The following PCDH11X variants were observed in gnomAD, a reference collection of about 807,000 sequenced individuals.
The protein encoded by PCDH11X is protocadherin-11 X-linked.
PCDH11X carries 18 observed loss-of-function variants against 53.3 expected under a neutral mutation model. The ratio of observed to expected loss-of-function variants is 0.34; its 90% CI spans 0.23 to 0.50. The LOEUF is 0.50. Ranked by LOEUF, PCDH11X falls within the 20% of genes least tolerant of loss-of-function variation. PCDH11X has a pLI of 0.98. For synonymous variants in PCDH11X, 279 were observed against 393.3 expected, an observed-to-expected ratio of 0.71 and a Z score of 3.44; for missense variants, 570 against 1,032.4, an observed-to-expected ratio of 0.55 and a Z score of 6.14.
At chrX:92,464,605 CAAA>C (rs2073122226) in intron 9 of PCDH11X, among the ~76,000 whole-genome samples, 5 of 110,663 alleles carry the variant, frequency 4.5e-5, no homozygotes, top group Non-Finnish European at 9.4e-5. Context: ...AGCATGAGAA[CAAA>C]CTAATACAGT....
intron 6 of PCDH11X, among the ~76,000 whole-genome samples, chrX:91,997,669 T>C (rs1295433592): frequency 1.8e-5 from 2 of 111,776 alleles, no homozygotes; most frequent in Non-Finnish European, 3.8e-5. Context: ...ACATATTGAA[T>C]ATAATTTTTT....
intron 6 of PCDH11X, among the ~76,000 whole-genome samples, chrX:92,186,910 G>C (rs762264395): frequency 2.7e-5 from 3 of 111,827 alleles, no homozygotes; most frequent in African/African-American, 6.5e-5. Context: ...TATGTAGTTT[G>C]TATCAAAATA....
intron 8 of PCDH11X, among the ~76,000 whole-genome samples, chrX:92,339,070 C>CATAAA (rs1306180782): frequency 2.7e-5 from 3 of 111,376 alleles, no homozygotes; most frequent in Non-Finnish European, 5.7e-5. Flanking sequence ...CAAAAATAGA[C>CATAAA]ATAAAGACCA....
chrX:92,295,652 C>G (rs888664075), intron 8 of PCDH11X, among the ~76,000 whole-genome samples: 6 of 106,194 alleles, frequency 5.7e-5, no homozygotes, highest in Non-Finnish European at 9.7e-5. Context: ...TAATAAATGC[C>G]CTTCATTAGG....
At chrX:92,358,111 G>A (rs1404924566) in intron 8 of PCDH11X, among the ~76,000 whole-genome samples, 6 of 106,017 alleles carry the variant, frequency 5.7e-5, no homozygotes, top group African/African-American at 1.4e-4. Flanking sequence ...CTTTGGTTTC[G>A]GATATGTTGA....
intron 7 of PCDH11X, among the ~76,000 whole-genome samples, chrX:92,248,323 A>T (rs1310686091): frequency 8.9e-6 from 1 of 112,116 alleles, no homozygotes; most frequent in Non-Finnish European, 1.9e-5. Context: ...TCTAGGTTCA[A>T]GTCAGTATCA....
intron 8 of PCDH11X, among the ~76,000 whole-genome samples, chrX:92,308,678 A>T (rs1251184211): frequency 1.8e-5 from 2 of 111,143 alleles, no homozygotes; most frequent in Non-Finnish European, 3.8e-5. Context: ...ATCAAAGGAC[A>T]CTGTCGACAG....
chrX:92,163,919 G>A (rs114346378), intron 6 of PCDH11X, among the ~76,000 whole-genome samples: 4,988 of 109,931 alleles, frequency 0.045, 405 homozygotes, highest in African/African-American at 0.16. Context: ...TCAAAATAAC[G>A]CAAAGTTTTA....
intron 9 of PCDH11X, among the ~76,000 whole-genome samples, chrX:92,446,513 C>T (rs1308035200): frequency 4.5e-5 from 5 of 110,807 alleles, no homozygotes; most frequent in Middle Eastern, 4.6e-3. Context: ...GCTTTAAAAA[C>T]GGAAGTTTCC....
At chrX:92,094,117 C>T (rs1256065971) in intron 6 of PCDH11X, among the ~76,000 whole-genome samples, 2 of 98,100 alleles carry the variant, frequency 2.0e-5, no homozygotes, top group African/African-American at 7.5e-5. Flanking sequence ...TATCCAGCAC[C>T]ACACAAAAAA....
rs71202940 is a variant in PCDH11X, at chrX:92,422,620, G to A, written c.3343+34687G>A. On this transcript the variant is annotated intron_variant, in intron 9 of 10. Transcript: ENST00000682573. ...GCAAATTGTGCTGCTATGAACATGC[G>A]TGTGCAAGTATTTTTTTCGTATAAT... Among the ~76,000 whole-genome samples the A allele has an allele frequency of 7.9e-3, 885 of 111,343 alleles. 11 individuals carry two copies. The highest frequency in any genetic ancestry group is 0.028 in the African/African-American group (848 of 30,682).
intron 7 of PCDH11X, among the ~76,000 whole-genome samples, chrX:92,230,452 AATT>A (rs1172534340): frequency 0.033 from 385 of 11,527 alleles, 12 homozygotes; most frequent in Middle Eastern, 0.083. Flanking sequence ...ATTTATATAT[AATT>A]TATAAAATAT....
intron 9 of PCDH11X, among the ~76,000 whole-genome samples, chrX:92,424,729 G>A (rs1190363393): frequency 1.0e-5 from 1 of 97,938 alleles, no homozygotes; most frequent in African/African-American, 3.3e-5. Flanking sequence ...ACTCATCCCT[G>A]AGTGTGTTGC....
intron 6 of PCDH11X, among the ~76,000 whole-genome samples, chrX:91,942,210 A>C (rs1458656523): frequency 9.1e-6 from 1 of 110,176 alleles, no homozygotes; most frequent in Non-Finnish European, 1.9e-5. Flanking sequence ...AATAGCGCTC[A>C]AAGCCAAAAC....
At position 92,403,329 on chromosome X, in the gene PCDH11X, GTTTTTTTTTGTT is replaced by G. The variant is rs1356156439; in HGVS notation, c.3343+15406_3343+15417del. On this transcript the variant is annotated intron_variant, in intron 9 of 10. Coordinates refer to ENST00000682573, the MANE Select transcript of PCDH11X (RefSeq NM_032968.5). The stretch of plus-strand genomic sequence containing the variant: ...CTGGGATATGTGTCCGGGCATTTAC[GTTTTTTTTTGTT>G]TTTTTTTTTTTTTTTTTTTGTAGAA... Among the ~76,000 whole-genome samples, 398 of 58,771 alleles carry G rather than the reference GTTTTTTTTTGTT, an allele frequency of 6.8e-3. 27 individuals carry two copies. In the East Asian group the frequency reaches 0.16, roughly 23 times the overall value. 51.0% of individuals were successfully genotyped at this position (58,771 alleles called of 115,157 possible). A position where few individuals can be genotyped will look rare whatever the true frequency, so the allele number is the denominator to read the frequency against.
At chrX:91,828,013 A>G (rs1488516785) in intron 4 of PCDH11X, among the ~76,000 whole-genome samples, 40 of 110,748 alleles carry the variant, frequency 3.6e-4, no homozygotes, top group Non-Finnish European at 7.2e-4. Flanking sequence ...AACAATCTGT[A>G]AATTGTTTTG....
chrX:92,136,050 C>T (rs1316200724), intron 6 of PCDH11X, among the ~76,000 whole-genome samples: 1 of 111,406 alleles, frequency 9.0e-6, no homozygotes, highest in Non-Finnish European at 1.9e-5. Flanking sequence ...TTGCAAATTA[C>T]AAGCACATGG....
chrX:91,925,483 A>G (rs1235271503), intron 6 of PCDH11X, among the ~76,000 whole-genome samples: 1 of 111,314 alleles, frequency 9.0e-6, no homozygotes, highest in Non-Finnish European at 1.9e-5. Flanking sequence ...TGAAATATGA[A>G]TGTATGATCT....
At chrX:92,532,839 G>T (rs766257803) in intron 10 of PCDH11X, among the ~76,000 whole-genome samples, 3 of 111,691 alleles carry the variant, frequency 2.7e-5, no homozygotes, top group African/African-American at 9.8e-5. Flanking sequence ...CACAGTCATG[G>T]CAAAAGGCTA....
Sources: gnomAD v4.1 joint callset for allele counts (sites outside exome capture counted in the v4.1 genomes callset) on GRCh38, gnomAD v4.1.1 for gene constraint, MANE v1.5 for transcripts, NCBI Gene and HGNC (gene_info 2026-07-23, HGNC 2026-07-21) for gene names.